The following ITPR2 variants were observed in gnomAD, a reference collection of about 807,000 sequenced individuals.
The protein encoded by ITPR2 is inositol 1,4,5-trisphosphate-gated calcium channel ITPR2.
Under a neutral mutation model 317.1 loss-of-function variants are expected in ITPR2, and 207 were observed. The observed-to-expected ratio is 0.65, with a 90% CI of 0.58 to 0.73. The LOEUF (loss-of-function observed/expected upper bound fraction) is 0.73. ITPR2 is among the 30% of genes least tolerant of loss of function. The pLI, the probability that ITPR2 is intolerant of heterozygous loss-of-function variation, is 0.00. For synonymous variants in ITPR2, 1,156 were observed against 1,149.1 expected (o/e 1.01, Z -0.12); for missense variants, 2,613 against 3,284.0 (o/e 0.80, Z 4.99).
At chr12:26,427,863 A>G in intron 49 of ITPR2, 50 bp downstream of exon 49, 1 of 1,203,966 alleles carries the variant, frequency 8.3e-7, no homozygotes, top group South Asian at 2.9e-5. Flanking sequence ...TATATTTCAT[A>G]CACTTTTAAA....
chr12:26,827,026 A>T lies in ITPR2; in HGVS notation c.92+5664T>A, dbSNP rs149474047. Among the ~76,000 whole-genome samples, 289 of 152,316 alleles carry T rather than the reference A, an allele frequency of 1.9e-3. 3 individuals carry two copies. The highest frequency in any genetic ancestry group is 6.5e-3 in the African/African-American group (270 of 41,572). ...GGAGGAGAAAGGGACAATCAACACT[A>T]CATTTGAAAGTGGACAGCACATCCC... is the stretch of plus-strand genomic sequence containing the variant. On this transcript the variant is annotated intron_variant, in intron 1 of 56. Transcript: ENST00000381340.
At chr12:26,450,611 G>A (rs1941714741) in intron 45 of ITPR2, among the ~76,000 whole-genome samples, 2 of 152,162 alleles carry the variant, frequency 1.3e-5, no homozygotes, top group Admixed American at 1.3e-4. Context: ...TACGGCAGGT[G>A]AATATTTGGT....
chr12:26,769,026 C>CACA (rs201911951), intron 2 of ITPR2, among the ~76,000 whole-genome samples: 2 of 149,736 alleles, frequency 1.3e-5, no homozygotes, highest in African/African-American at 2.5e-5. Flanking sequence ...CACACACACA[C>CACA]CCCAATCTCA....
intron 26 of ITPR2, among the ~76,000 whole-genome samples, chr12:26,619,178 T>C (rs975852681): frequency 2.6e-5 from 4 of 152,244 alleles, no homozygotes; most frequent in Non-Finnish European, 5.9e-5. Flanking sequence ...ATATATCACA[T>C]AGGGAACTGG....
At chr12:26,807,407 G>A (rs1227597138) in intron 1 of ITPR2, among the ~76,000 whole-genome samples, 1 of 152,144 alleles carries the variant, frequency 6.6e-6, no homozygotes, top group Non-Finnish European at 1.5e-5. Flanking sequence ...AACCTGCACT[G>A]ATTCTACTTA....
chr12:26,625,014 AG>A (rs1237077230), intron 23 of ITPR2, among the ~76,000 whole-genome samples: 3 of 152,190 alleles, frequency 2.0e-5, no homozygotes, highest in African/African-American at 7.2e-5. Context: ...ATTAAAAAAA[AG>A]AATGAGATCC....
chr12:26,492,669 T>C (rs1942835259), intron 39 of ITPR2, among the ~76,000 whole-genome samples: 1 of 152,200 alleles, frequency 6.6e-6, no homozygotes, highest in Admixed American at 6.5e-5. Flanking sequence ...AATGTTGAAG[T>C]CATAGACGTA....
At chr12:26,383,670 G>C (rs1268978188) in intron 55 of ITPR2, among the ~76,000 whole-genome samples, 1 of 116,082 alleles carries the variant, frequency 8.6e-6, no homozygotes, top group Non-Finnish European at 1.7e-5. Flanking sequence ...TTTTTTTTTG[G>C]TATTTTTAAT....
In ITPR2 at chr12:26,818,711, C is replaced by T. The variant is rs77005898; in HGVS notation, c.92+13979G>A. On this transcript the variant is annotated intron_variant, in intron 1 of 56. Transcript: ENST00000381340. ...ACAACAAAATTCCTTTTTTTTTTTACCTTCCCTACTAATGTAAAGAACCAG... is the reference window on the plus strand; with the variant it reads ...ACAACAAAATTCCTTTTTTTTTTTATCTTCCCTACTAATGTAAAGAACCAG... Among the ~76,000 whole-genome samples the T allele has an allele frequency of 9.0e-3, 1,369 of 151,450 alleles. 6 individuals are homozygous for T. Among genetic ancestry groups the T allele is most frequent in the Non-Finnish European group, 0.015 (991 of 67,792 alleles).
rs3064572 is a variant in ITPR2 at position 26,769,027 on chromosome 12, C to A, written c.163+21130G>T. Among the ~76,000 whole-genome samples, 101 of 112,306 alleles carry A rather than the reference C, an allele frequency of 9.0e-4. 1 individual carries two copies. The highest frequency in any genetic ancestry group is 1.2e-3 in the Non-Finnish European group (71 of 58,130). The allele number at this position is 112,306 out of a possible 152,430, so 73.7% of individuals were successfully genotyped here. Reference sequence around the variant, plus strand: ...CACACACACACACACACACACACACCCCAATCTCAGCCACATAGTAAAACA... The same window carrying A: ...CACACACACACACACACACACACACACCAATCTCAGCCACATAGTAAAACA... On this transcript the variant is annotated intron_variant, in intron 2 of 56. Transcript: ENST00000381340.
chr12:26,423,572 C>A (rs1940958354), intron 49 of ITPR2, among the ~76,000 whole-genome samples: 1 of 151,956 alleles, frequency 6.6e-6, no homozygotes, highest in African/African-American at 2.4e-5. Flanking sequence ...AAAATCTGAA[C>A]AACAAAAGTT....
intron 1 of ITPR2, among the ~76,000 whole-genome samples, chr12:26,801,850 C>A (rs139395049): frequency 3.3e-5 from 5 of 150,812 alleles, no homozygotes; most frequent in Non-Finnish European, 7.4e-5. Flanking sequence ...CAAAATGAAA[C>A]TGCTGTAAGG....
At chr12:26,488,262 G>A (rs958481800) in intron 39 of ITPR2, among the ~76,000 whole-genome samples, 2 of 152,074 alleles carry the variant, frequency 1.3e-5, no homozygotes, top group Non-Finnish European at 2.9e-5. Flanking sequence ...ATAAGCTTGA[G>A]GAGAGATAGT....
chr12:26,405,088 C>T (rs555586723), intron 52 of ITPR2, among the ~76,000 whole-genome samples: 7 of 151,478 alleles, frequency 4.6e-5, no homozygotes, highest in Non-Finnish European at 8.8e-5. Context: ...GAGCCAAGAC[C>T]GTGCCATTGC....
intron 2 of ITPR2, among the ~76,000 whole-genome samples, chr12:26,734,998 T>TTC (rs1949092693): frequency 7.2e-6 from 1 of 139,850 alleles, no homozygotes; most frequent in Non-Finnish European, 1.6e-5. Context: ...AAGCCAGTCT[T>TTC]TTTTTTTTTT....
At chr12:26,531,682 CAAGT>C (rs1336448754) in intron 37 of ITPR2, among the ~76,000 whole-genome samples, 1 of 148,486 alleles carries the variant, frequency 6.7e-6, no homozygotes, top group Non-Finnish European at 1.5e-5. Context: ...CACACACACA[CAAGT>C]GTGTATCTGA....
rs776816032 is a variant in ITPR2 at position 26,622,279 on chromosome 12, G to A, written c.3249C>T (p.His1083=). The part of the protein sequence containing the change: ...LSGALQLLFK[H]FSQRAEVLQA... ...GTAAAACCTCTGCCCTCTGGCTGAA[G>A]TGCTTAAACAACAGCTGCAGGGCTC... The change falls in exon 25 of 57, where the codon CAC becomes CAT. Residue 1083 remains histidine, a synonymous_variant. Transcript: ENST00000381340. The A allele has an allele frequency of 9.9e-6, 16 of 1,613,778 alleles. No individual in the cohort carries two copies. The highest frequency in any genetic ancestry group is 1.4e-5 in the Non-Finnish European group (16 of 1,179,836).
intron 55 of ITPR2, among the ~76,000 whole-genome samples, chr12:26,380,458 T>C (rs1014007264): frequency 6.6e-6 from 1 of 152,032 alleles, no homozygotes; most frequent in African/African-American, 2.4e-5. Context: ...GTGAGGGTGG[T>C]ATCTCCCTGA....
intron 55 of ITPR2, among the ~76,000 whole-genome samples, chr12:26,386,718 C>T (rs1939674920): frequency 6.6e-6 from 1 of 152,036 alleles, no homozygotes; most frequent in African/African-American, 2.4e-5. Context: ...TATAAAAATG[C>T]AAACATTTAT....
Sources: allele counts gnomAD v4.1 joint callset (sites outside exome capture counted in the v4.1 genomes callset), GRCh38; gene constraint gnomAD v4.1.1; transcripts MANE v1.5; gene names NCBI Gene and HGNC (gene_info 2026-07-23, HGNC 2026-07-21).